The following DDR2 variants were observed in gnomAD, a reference collection of about 807,000 sequenced individuals.
The protein encoded by DDR2 is discoidin domain-containing receptor 2.
DDR2 carries 27 observed loss-of-function variants against 94.9 expected under a neutral mutation model. That is an observed-to-expected ratio of 0.28 (90% CI 0.21 to 0.39). The LOEUF (loss-of-function observed/expected upper bound fraction) is 0.39. Ranked by LOEUF, DDR2 falls within the 10% of genes least tolerant of loss-of-function variation. The pLI, the probability that DDR2 is intolerant of heterozygous loss-of-function variation, is 1.00. For synonymous variants in DDR2, 382 were observed against 377.2 expected (o/e 1.01, Z -0.15); for missense variants, 783 against 1,076.0 (o/e 0.73, Z 3.81).
intron 2 of DDR2, among the ~76,000 whole-genome samples, chr1:162,664,098 G>A (rs1159805193): frequency 6.6e-6 from 1 of 152,140 alleles, no homozygotes; most frequent in Non-Finnish European, 1.5e-5. Context: ...AGTGCAAAAT[G>A]CGGGGAAGGG....
chr1:162,670,443 A>C (rs1303646251), intron 2 of DDR2, among the ~76,000 whole-genome samples: 1 of 152,196 alleles, frequency 6.6e-6, no homozygotes, highest in Non-Finnish European at 1.5e-5. Flanking sequence ...TGATTGAATC[A>C]GGCTCGTTCA....
At chr1:162,752,155 A>G (rs1270040438) in intron 3 of DDR2, among the ~76,000 whole-genome samples, 2 of 60,822 alleles carry the variant, frequency 3.3e-5, no homozygotes, top group African/African-American at 9.0e-5. Context: ...AAAAAAAAAG[A>G]GAAAAGAAAA....
chr1:162,744,288 C>T (rs1662747727), intron 3 of DDR2, among the ~76,000 whole-genome samples: 1 of 152,042 alleles, frequency 6.6e-6, no homozygotes, highest in African/African-American at 2.4e-5. Context: ...ACTTTATATC[C>T]CTCGAATATG....
At chr1:162,672,873 G>A (rs1658939121) in intron 2 of DDR2, among the ~76,000 whole-genome samples, 1 of 152,074 alleles carries the variant, frequency 6.6e-6, no homozygotes, top group Non-Finnish European at 1.5e-5. Flanking sequence ...CTGTCCCCAT[G>A]AAGCATCCCC....
chr1:162,686,369 C>T (rs980745216), intron 2 of DDR2, among the ~76,000 whole-genome samples: 1 of 152,022 alleles, frequency 6.6e-6, no homozygotes, highest in African/African-American at 2.4e-5. Context: ...CTTCCCCTTG[C>T]CCCCCACCCC....
At chr1:162,773,940 T>C (rs1647373292) in intron 14 of DDR2, among the ~76,000 whole-genome samples, 1 of 152,228 alleles carries the variant, frequency 6.6e-6, no homozygotes, top group African/African-American at 2.4e-5. Flanking sequence ...CATTACCTCC[T>C]CTTGACAAAG....
intron 2 of DDR2, among the ~76,000 whole-genome samples, chr1:162,699,868 T>C (rs868282105): frequency 7.2e-5 from 11 of 152,200 alleles, no homozygotes; most frequent in African/African-American, 2.4e-4. Flanking sequence ...GATTTTTGGA[T>C]TCACAAATAA....
chr1:162,649,729 G>A (rs1275507972), intron 1 of DDR2, among the ~76,000 whole-genome samples: 2 of 152,186 alleles, frequency 1.3e-5, no homozygotes, highest in Non-Finnish European at 2.9e-5. Flanking sequence ...CTGGGCTGAT[G>A]TAACAAAGAT....
chr1:162,651,238 GGA>G (rs1259680750), intron 1 of DDR2, among the ~76,000 whole-genome samples: 1 of 152,126 alleles, frequency 6.6e-6, no homozygotes, highest in African/African-American at 2.4e-5. Flanking sequence ...GCTGGCATTT[GGA>G]GCCCTGCGTT....
intron 2 of DDR2, among the ~76,000 whole-genome samples, chr1:162,691,561 C>T (rs1571204877): frequency 6.6e-6 from 1 of 152,176 alleles, no homozygotes; most frequent in East Asian, 1.9e-4. Context: ...TGCTTGGTGA[C>T]AGCAATATAG....
At chr1:162,720,993 C>T (rs991538413) in intron 3 of DDR2, among the ~76,000 whole-genome samples, 28 of 152,190 alleles carry the variant, frequency 1.8e-4, no homozygotes, top group African/African-American at 6.0e-4. Context: ...GTTACTTTCT[C>T]GTAATAAGCT....
chr1:162,703,304 T>A (rs560064107), intron 2 of DDR2, among the ~76,000 whole-genome samples: 2 of 152,118 alleles, frequency 1.3e-5, no homozygotes, highest in South Asian at 2.1e-4. Context: ...ATGGAAAAAA[T>A]TAGTTTCCAG....
chr1:162,674,324 A>G (rs1376330225), intron 2 of DDR2, among the ~76,000 whole-genome samples: 1 of 152,112 alleles, frequency 6.6e-6, no homozygotes, highest in East Asian at 1.9e-4. Context: ...ATCCCAATGC[A>G]GAGTGTTCAG....
intron 3 of DDR2, among the ~76,000 whole-genome samples, chr1:162,721,394 C>T (rs1018292747): frequency 6.6e-5 from 10 of 152,080 alleles, no homozygotes; most frequent in South Asian, 2.1e-4. Context: ...TTTGCAAAGA[C>T]CTTTATAGGA....
intron 1 of DDR2, among the ~76,000 whole-genome samples, chr1:162,644,505 C>G (rs1314814434): frequency 6.6e-6 from 1 of 152,114 alleles, no homozygotes; most frequent in Non-Finnish European, 1.5e-5. Flanking sequence ...CACCAGACAG[C>G]CTGATGATCA....
At chr1:162,676,246 G>C (rs1044145198) in intron 2 of DDR2, among the ~76,000 whole-genome samples, 10 of 152,024 alleles carry the variant, frequency 6.6e-5, no homozygotes, top group Non-Finnish European at 1.3e-4. Flanking sequence ...CATGCTCCAA[G>C]TCACAAGCAG....
chr1:162,658,829 A>AAATAAATAAATAAATAAATAAATAAAT (rs60623253), intron 2 of DDR2, among the ~76,000 whole-genome samples: 29,432 of 133,024 alleles, frequency 0.22, 3,902 homozygotes, highest in East Asian at 0.37. Context: ...CCTGTCTCAA[A>AAATAAATAAATAAATAAATAAATAAAT]AAATAAATAA....
At chr1:162,699,893 A>C (rs770619508) in intron 2 of DDR2, among the ~76,000 whole-genome samples, 14 of 152,218 alleles carry the variant, frequency 9.2e-5, no homozygotes, top group Non-Finnish European at 1.8e-4. Flanking sequence ...TTTAGATAAC[A>C]CTCAGAAAGA....
At chr1:162,762,216 T>A (rs888761492) in intron 9 of DDR2, among the ~76,000 whole-genome samples, 1 of 152,208 alleles carries the variant, frequency 6.6e-6, no homozygotes, top group Admixed American at 6.5e-5. Flanking sequence ...TCTTTTTAAA[T>A]GGATTCTGGC....
Sources: gnomAD v4.1 joint callset for allele counts (sites outside exome capture counted in the v4.1 genomes callset) on GRCh38, gnomAD v4.1.1 for gene constraint, MANE v1.5 for transcripts, NCBI Gene and HGNC (gene_info 2026-07-23, HGNC 2026-07-21) for gene names.